Variants in ANKRD55 observed in about 807,000 individuals in gnomAD.
The protein encoded by ANKRD55 is ankyrin repeat domain 55.
A neutral mutation model predicts 60.6 loss-of-function variants in ANKRD55; 41 were observed. The observed-to-expected ratio is 0.68, with a 90% CI of 0.53 to 0.88. The LOEUF (loss-of-function observed/expected upper bound fraction) is 0.88. ANKRD55 is among the 40% of genes least tolerant of loss of function. ANKRD55 has a pLI of 0.00. For missense variants in ANKRD55, 732 were observed against 767.6 expected (o/e 0.95, Z 0.55); for synonymous variants, 264 against 290.3 (o/e 0.91, Z 0.92).
At chr5:56,159,240 T>C (rs899352346) in intron 6 of ANKRD55, among the ~76,000 whole-genome samples, 9 of 152,166 alleles carry the variant, frequency 5.9e-5, no homozygotes, top group African/African-American at 2.2e-4. Flanking sequence ...GGCAGGCAGA[T>C]CACCTGAGGT....
chr5:56,109,932 C>T (rs914553947), intron 10 of ANKRD55, among the ~76,000 whole-genome samples: 9 of 152,032 alleles, frequency 5.9e-5, no homozygotes, highest in East Asian at 3.9e-4. Flanking sequence ...GCAGGAGAAT[C>T]GCTTGAACCC....
chr5:56,102,004 T>TA lies in ANKRD55; in HGVS notation c.1723+489dup, dbSNP rs529965401. The stretch of plus-strand genomic sequence containing the variant: ...CTAAAGGGAGGGAGTGTTATTTTTT[T>TA]AAAAAAAATAAGCATTTAAAAAAAA... On this transcript the variant is annotated intron_variant, in intron 11 of 11. Transcript: ENST00000341048. Among the ~76,000 whole-genome samples, 287 of 152,046 alleles carry TA rather than the reference T, an allele frequency of 1.9e-3. 9 individuals carry two copies. The East Asian group carries it at 0.037, about 19-fold the overall frequency.
chr5:56,155,571 T>A (rs146708108), intron 6 of ANKRD55, among the ~76,000 whole-genome samples: 93 of 152,298 alleles, frequency 6.1e-4, no homozygotes, highest in African/African-American at 2.0e-3. Context: ...ACTTGGAATT[T>A]AAGTATGAGG....
chr5:56,160,031 T>C, intron 5 of ANKRD55, 138 bp from the exon 6 acceptor site: 1 of 675,050 alleles, frequency 1.5e-6, no homozygotes, highest in East Asian at 2.8e-5. Flanking sequence ...TCCGTTTCTC[T>C]GGGAAAAAGA....
intron 10 of ANKRD55, among the ~76,000 whole-genome samples, chr5:56,106,940 A>T (rs1215753751): frequency 6.7e-6 from 1 of 148,804 alleles, no homozygotes; most frequent in Non-Finnish European, 1.5e-5. Flanking sequence ...TAAGCCCAGG[A>T]GTTTGAGGCT....
chr5:56,104,426 G>A (rs1461936456), intron 10 of ANKRD55, among the ~76,000 whole-genome samples: 1 of 152,078 alleles, frequency 6.6e-6, no homozygotes, highest in Non-Finnish European at 1.5e-5. Flanking sequence ...GGCAAAGAAG[G>A]GCTACAGCAG....
At chr5:56,187,291 T>C (rs572357315) in intron 2 of ANKRD55, among the ~76,000 whole-genome samples, 1 of 152,244 alleles carries the variant, frequency 6.6e-6, no homozygotes, top group South Asian at 2.1e-4. Flanking sequence ...AATCAGGTAG[T>C]AAAGAGAGCT....
At chr5:56,222,225 AG>A (rs1759983853) in intron 2 of ANKRD55, among the ~76,000 whole-genome samples, 2 of 152,332 alleles carry the variant, frequency 1.3e-5, no homozygotes, top group African/African-American at 2.4e-5. Flanking sequence ...GGTGATACCC[AG>A]GCAAACAGAG....
chr5:56,224,690 G>T (rs1036702245), intron 2 of ANKRD55, among the ~76,000 whole-genome samples: 2 of 152,122 alleles, frequency 1.3e-5, no homozygotes, highest in African/African-American at 4.8e-5. Flanking sequence ...TACCATCAGA[G>T]AATACAATAA....
chr5:56,170,842 G>A (rs777472602), intron 4 of ANKRD55, 39 bp from the exon 5 acceptor site: 4 of 1,567,542 alleles, frequency 2.6e-6, no homozygotes, highest in African/African-American at 1.4e-5. Context: ...TATAACAGAA[G>A]CTCACGTAAC....
chr5:56,101,432 G>A (rs1006381685), intron 11 of ANKRD55, among the ~76,000 whole-genome samples: 9 of 152,076 alleles, frequency 5.9e-5, no homozygotes, highest in Admixed American at 5.9e-4. Flanking sequence ...TAAATGCAGT[G>A]GGGTGCAATT....
At chr5:56,124,408 A>G (rs1431649737) in intron 8 of ANKRD55, among the ~76,000 whole-genome samples, 1 of 152,170 alleles carries the variant, frequency 6.6e-6, no homozygotes, top group Non-Finnish European at 1.5e-5. Flanking sequence ...AAAAACTTTC[A>G]CTAAAAAAGA....
chr5:56,135,915 G>A (rs1757585236), intron 7 of ANKRD55, among the ~76,000 whole-genome samples: 1 of 152,078 alleles, frequency 6.6e-6, no homozygotes, highest in Non-Finnish European at 1.5e-5. Context: ...TACTAGCAAT[G>A]AGCAAATAGA....
intron 5 of ANKRD55, 23 bp downstream of exon 5, chr5:56,170,671 A>T: frequency 6.3e-7 from 1 of 1,598,910 alleles, no homozygotes; most frequent in Admixed American, 1.7e-5. Flanking sequence ...CAACTTGAGC[A>T]TCATGTAAAC....
At chr5:56,183,827 A>T (rs1486453529) in intron 2 of ANKRD55, among the ~76,000 whole-genome samples, 193 bp from the exon 3 acceptor site, 2 of 152,152 alleles carry the variant, frequency 1.3e-5, no homozygotes, top group Non-Finnish European at 2.9e-5. Context: ...GCCATTTGTA[A>T]CACCGCCGTG....
chr5:56,143,657 T>G, intron 7 of ANKRD55, 144 bp downstream of exon 7: 1 of 1,195,346 alleles, frequency 8.4e-7, no homozygotes, highest in Non-Finnish European at 1.2e-6. Context: ...CCCCTTTGCA[T>G]CTTGGCAGGG....
At chr5:56,137,369 A>G in intron 7 of ANKRD55, 1 of 1,235,186 alleles carries the variant, frequency 8.1e-7, no homozygotes, top group Non-Finnish European at 1.2e-6. Flanking sequence ...GGACCTACAG[A>G]GCTCATGGTC....
Position 56,176,359 on chromosome 5 carries a change from A to G in ANKRD55, c.182-77T>C, listed in dbSNP as rs1758740208. ...ATGAGCAGGCTTTATTGGCCTGTTCATTTATTTTGCTATTTGCAATACAAA... is the reference window on the plus strand; with the variant it reads ...ATGAGCAGGCTTTATTGGCCTGTTCGTTTATTTTGCTATTTGCAATACAAA... On this transcript the variant is annotated intron_variant, in intron 3 of 11. Coordinates refer to ENST00000341048, the MANE Select transcript of ANKRD55 (RefSeq NM_024669.3). The G allele has an allele frequency of 7.7e-6, 12 of 1,567,622 alleles. No homozygotes were observed. In the South Asian group the frequency reaches 1.2e-4, roughly 16 times the overall value.
At chr5:56,173,601 T>TAC (rs1400802140) in intron 4 of ANKRD55, among the ~76,000 whole-genome samples, 5 of 137,504 alleles carry the variant, frequency 3.6e-5, no homozygotes, top group Non-Finnish European at 6.1e-5. Context: ...TATATATATA[T>TAC]ATATATCTTG....
Sources: gnomAD v4.1 joint callset for allele counts (sites outside exome capture counted in the v4.1 genomes callset) on GRCh38, gnomAD v4.1.1 for gene constraint, MANE v1.5 for transcripts, NCBI Gene and HGNC (gene_info 2026-07-23, HGNC 2026-07-21) for gene names.